The following TMEM178A variants were observed in gnomAD, a reference collection of about 807,000 sequenced individuals.
TMEM178A encodes the protein transmembrane protein 178.
A neutral mutation model predicts 29.1 loss-of-function variants in TMEM178A; 12 were observed. The ratio of observed to expected loss-of-function variants is 0.41; its 90% CI spans 0.26 to 0.67. The LOEUF (loss-of-function observed/expected upper bound fraction) is 0.67, where lower values mean the gene tolerates loss of function less well. Ranked by LOEUF, TMEM178A falls within the 30% of genes least tolerant of loss-of-function variation. The pLI is 0.29. For synonymous variants in TMEM178A, 210 were observed against 187.2 expected, an observed-to-expected ratio of 1.12 and a Z score of -0.99; for missense variants, 366 against 419.1, an observed-to-expected ratio of 0.87 and a Z score of 1.11.
rs1267002737 is a variant in TMEM178A, at chr2:39,675,860, G to A, written c.400+9486G>A. ...AGTGGCGCGGTCATACTTTGCTGCA[G>A]CCCCAAACTCCTGGGCTCAAGTGAT... On this transcript the variant is annotated intron_variant, in intron 1 of 3. Transcript: ENST00000281961. Among the ~76,000 whole-genome samples, 6 of 152,100 alleles carry A rather than the reference G, an allele frequency of 3.9e-5. No individual in the cohort carries two copies. In the East Asian group the frequency reaches 1.2e-3, roughly 29 times the overall value.
chr2:39,678,670 G>A (rs146244625), intron 1 of TMEM178A, among the ~76,000 whole-genome samples: 2,959 of 152,214 alleles, frequency 0.019, 75 homozygotes, highest in African/African-American at 0.052. Flanking sequence ...TCACTAAATC[G>A]TACACTTTAG....
intron 1 of TMEM178A, among the ~76,000 whole-genome samples, chr2:39,678,193 A>G (rs1430854472): frequency 3.3e-5 from 5 of 152,250 alleles, no homozygotes; most frequent in Non-Finnish European, 7.3e-5. Context: ...AGTTAAACAT[A>G]GAAGAACCAA....
the TMEM178A span, among the ~76,000 whole-genome samples, chr2:39,730,030 G>C: frequency 1.3e-5 from 2 of 152,194 alleles, no homozygotes; most frequent in African/African-American, 4.8e-5. Flanking sequence ...TAAGAACCTA[G>C]GTTAACACTG....
chr2:39,704,636 T>A (rs899779321), intron 2 of TMEM178A, among the ~76,000 whole-genome samples: 4 of 152,222 alleles, frequency 2.6e-5, no homozygotes, highest in Non-Finnish European at 5.9e-5. Flanking sequence ...GTGTATGTCA[T>A]AATTTTCTCA....
At chr2:39,684,018 G>A (rs764583304) in intron 1 of TMEM178A, among the ~76,000 whole-genome samples, 3 of 152,130 alleles carry the variant, frequency 2.0e-5, no homozygotes, top group African/African-American at 4.8e-5. Flanking sequence ...TTCTGTTCAC[G>A]TAACTTTTCA....
chr2:39,676,019 C>G (rs775837272), intron 1 of TMEM178A, among the ~76,000 whole-genome samples: 5 of 152,178 alleles, frequency 3.3e-5, no homozygotes, highest in African/African-American at 1.2e-4. Context: ...CTCCTGGCCT[C>G]AAGCGATCCT....
upstream of TMEM178A, chr2:39,665,671 G>C (rs553465876): frequency 3.3e-6 from 1 of 302,294 alleles, no homozygotes; most frequent in East Asian, 5.1e-5. Flanking sequence ...AGTGCGCGGG[G>C]TGGGGGGCGC....
At chr2:39,725,873 A>G in the TMEM178A span, among the ~76,000 whole-genome samples, 1 of 152,216 alleles carries the variant, frequency 6.6e-6, no homozygotes, top group Admixed American at 6.5e-5. Context: ...AAATAGGGAC[A>G]TCTCAATACT....
At chr2:39,720,204 T>TGTTTACCAAATTGTATTCCTTTGAAC, downstream of TMEM178A, among the ~76,000 whole-genome samples, 1 of 152,160 alleles carries the variant, frequency 6.6e-6, no homozygotes, top group Non-Finnish European at 1.5e-5. Flanking sequence ...GTTAAAAAAA[T>TGTTTACCAAATTGTATTCCTTTGAAC]ACTAACTTTT....
the TMEM178A span, among the ~76,000 whole-genome samples, chr2:39,733,177 A>G: frequency 5.9e-5 from 9 of 152,322 alleles, no homozygotes; most frequent in African/African-American, 2.2e-4. Context: ...TCCACAGTCT[A>G]CCACCACCAC....
At chr2:39,676,899 C>T (rs1473192824) in intron 1 of TMEM178A, among the ~76,000 whole-genome samples, 9 of 152,122 alleles carry the variant, frequency 5.9e-5, no homozygotes, top group Admixed American at 5.9e-4. Context: ...CCCTGAAAGC[C>T]CTGTGCTTTT....
chr2:39,686,962 CATGTGTGT>C (rs1458829657), intron 1 of TMEM178A, among the ~76,000 whole-genome samples: 3 of 100,400 alleles, frequency 3.0e-5, no homozygotes, highest in African/African-American at 7.6e-5. Flanking sequence ...TGCACATATG[CATGTGTGT>C]GTGTGTGTGT....
intron 1 of TMEM178A, among the ~76,000 whole-genome samples, chr2:39,667,171 G>C (rs1025983534): frequency 2.0e-5 from 3 of 152,140 alleles, no homozygotes; most frequent in African/African-American, 7.2e-5. Flanking sequence ...GAGCTTTCCA[G>C]ATTTGGGCAC....
At chr2:39,731,059 CTT>C in the TMEM178A span, among the ~76,000 whole-genome samples, 1 of 152,228 alleles carries the variant, frequency 6.6e-6, no homozygotes, top group Non-Finnish European at 1.5e-5. Flanking sequence ...GCCTCAGTCT[CTT>C]GTCTCACTGT....
chr2:39,667,670 G>A (rs1165632391), intron 1 of TMEM178A, among the ~76,000 whole-genome samples: 2 of 152,180 alleles, frequency 1.3e-5, no homozygotes, highest in East Asian at 3.8e-4. Flanking sequence ...TCTCAAACAT[G>A]TCAACTTCCT....
the TMEM178A span, among the ~76,000 whole-genome samples, chr2:39,732,105 C>A: frequency 6.6e-6 from 1 of 152,124 alleles, no homozygotes; most frequent in Admixed American, 6.5e-5. Context: ...ATCTGCCTCT[C>A]AGGCCATCTC....
At chr2:39,675,019 A>G (rs1670557758) in intron 1 of TMEM178A, among the ~76,000 whole-genome samples, 1 of 152,234 alleles carries the variant, frequency 6.6e-6, no homozygotes, top group African/African-American at 2.4e-5. Context: ...ATTATCCACA[A>G]AACCTGGCAT....
At chr2:39,666,931 G>A (rs1453095591) in intron 1 of TMEM178A, among the ~76,000 whole-genome samples, 1 of 152,220 alleles carries the variant, frequency 6.6e-6, no homozygotes, top group African/African-American at 2.4e-5. Flanking sequence ...ATCCCAGCCT[G>A]GCAGGGCTGA....
chr2:39,666,507 C>T (rs909976512), intron 1 of TMEM178A, 133 bp downstream of exon 1: 1 of 578,016 alleles, frequency 1.7e-6, no homozygotes, highest in Admixed American at 5.0e-5. Context: ...GCATCCTTCC[C>T]GCCGCCTCCA....
Sources: gnomAD v4.1 joint callset for allele counts (sites outside exome capture counted in the v4.1 genomes callset) on GRCh38, gnomAD v4.1.1 for gene constraint, MANE v1.5 for transcripts, NCBI Gene and HGNC (gene_info 2026-07-23, HGNC 2026-07-21) for gene names.